PTCHD4: variants seen among roughly 807,000 people sequenced by gnomAD.
PTCHD4 encodes the protein patched domain-containing protein 4.
PTCHD4 carries 33 observed loss-of-function variants against 58.1 expected under a neutral mutation model. The observed-to-expected ratio is 0.57, with a 90% confidence interval of 0.43 to 0.76. The LOEUF is 0.76. Among genes scored for constraint, PTCHD4 ranks in the 30% least tolerant of loss-of-function variants. PTCHD4 has a pLI of 0.00. For missense variants in PTCHD4, 1,058 were observed against 1,027.1 expected (o/e 1.03, Z -0.41); for synonymous variants, 478 against 409.6 (o/e 1.17, Z -2.02).
chr6:48,005,020 G>T (rs1271231299), intron 4 of PTCHD4, among the ~76,000 whole-genome samples: 3 of 152,138 alleles, frequency 2.0e-5, no homozygotes, highest in Non-Finnish European at 2.9e-5. Flanking sequence ...CCCAATCTGA[G>T]ACATACAATT....
intron 4 of PTCHD4, among the ~76,000 whole-genome samples, chr6:47,963,748 C>T (rs1020865870): frequency 2.0e-5 from 3 of 152,162 alleles, no homozygotes; most frequent in Admixed American, 1.3e-4. Flanking sequence ...CAAAAAAACC[C>T]ACTCAAGTGT....
At chr6:47,934,511 G>A (rs553120613) in intron 4 of PTCHD4, among the ~76,000 whole-genome samples, 2 of 152,210 alleles carry the variant, frequency 1.3e-5, no homozygotes, top group South Asian at 4.1e-4. Flanking sequence ...ATCTGGTAAT[G>A]TAATCTAGTA....
chr6:48,075,118 G>T (rs1321494529), intron 1 of PTCHD4, among the ~76,000 whole-genome samples: 1 of 152,084 alleles, frequency 6.6e-6, no homozygotes, highest in Non-Finnish European at 1.5e-5. Context: ...AAAGTAATAA[G>T]AAGTTTAGAT....
At chr6:48,023,121 G>A (rs2814473) in intron 3 of PTCHD4, among the ~76,000 whole-genome samples, 29,546 of 152,010 alleles carry the variant, frequency 0.19, 3,114 homozygotes, top group African/African-American at 0.28. Flanking sequence ...GTAAAATTTC[G>A]TGCCATTTCA....
In PTCHD4 at chr6:47,857,407, A is replaced by G. The variant is rs573762068; in HGVS notation, c.*20896T>C. ...ATTAAAAAGTATCTTGCTTCTTAAA[A>G]CTTCTGCACTGCAGCAAGACGGTAT... On this transcript the variant is annotated 3_prime_UTR_variant, in exon 5 of 5. Transcript: ENST00000339488. Among the ~76,000 whole-genome samples the G allele has an allele frequency of 6.6e-6, 1 of 152,120 alleles. No homozygotes were observed. The highest frequency in any genetic ancestry group is 2.1e-4 in the South Asian group (1 of 4,816).
intron 3 of PTCHD4, among the ~76,000 whole-genome samples, chr6:48,057,384 C>T (rs935943333): frequency 4.6e-5 from 7 of 152,124 alleles, no homozygotes; most frequent in African/African-American, 1.4e-4. Flanking sequence ...TGCAGATTTC[C>T]TTGCTGGTTA....
At chr6:47,927,631 T>C (rs1413186474) in intron 4 of PTCHD4, among the ~76,000 whole-genome samples, 1 of 152,126 alleles carries the variant, frequency 6.6e-6, no homozygotes, top group Non-Finnish European at 1.5e-5. Flanking sequence ...TCTCTCTAAT[T>C]CCATACATAC....
chr6:47,968,930 G>T (rs1581950441), intron 4 of PTCHD4, among the ~76,000 whole-genome samples: 1 of 152,096 alleles, frequency 6.6e-6, no homozygotes, highest in South Asian at 2.1e-4. Flanking sequence ...TTCTCAATTT[G>T]CAGTAATTTG....
chr6:48,096,884 A>T (rs1280358046), intron 1 of PTCHD4, among the ~76,000 whole-genome samples: 1 of 152,124 alleles, frequency 6.6e-6, no homozygotes, highest in East Asian at 1.9e-4. Context: ...ATGTAAAAAG[A>T]ATGCATTGAT....
rs1044584667 is a variant in PTCHD4 at position 47,860,937 on chromosome 6, T to C, written c.*17366A>G. Among the ~76,000 whole-genome samples the C allele has an allele frequency of 1.3e-5, 2 of 151,996 alleles. No homozygotes were observed. Among genetic ancestry groups the C allele is most frequent in the African/African-American group, 4.8e-5 (2 of 41,418 alleles). On this transcript the variant is annotated 3_prime_UTR_variant, in exon 5 of 5. Transcript: ENST00000339488. ...AAAATCAGTTCTGTATCTAAGGTAG[T>C]ATAGTCCAACTAAGAAACAGAGTTG... is the stretch of plus-strand genomic sequence containing the variant.
chr6:47,923,193 C>A (rs574462924), intron 4 of PTCHD4, among the ~76,000 whole-genome samples: 2 of 152,090 alleles, frequency 1.3e-5, no homozygotes, highest in Non-Finnish European at 2.9e-5. Flanking sequence ...TAAAAATATT[C>A]TTCAAATTCA....
At chr6:48,098,318 TTTCTTCTTC>T (rs374977976) in intron 1 of PTCHD4, among the ~76,000 whole-genome samples, 15 of 142,606 alleles carry the variant, frequency 1.1e-4, no homozygotes, top group Admixed American at 6.4e-4. Flanking sequence ...TTTCTTTTCT[TTTCTTCTTC>T]TTCTTCTTCT....
chr6:47,931,535 A>G (rs772652837), intron 4 of PTCHD4, among the ~76,000 whole-genome samples: 2 of 152,222 alleles, frequency 1.3e-5, no homozygotes, highest in Non-Finnish European at 2.9e-5. Flanking sequence ...AGATGGAGAA[A>G]AACAGGTAAT....
chr6:47,934,996 C>A (rs966840205), intron 4 of PTCHD4, among the ~76,000 whole-genome samples: 4 of 152,098 alleles, frequency 2.6e-5, no homozygotes, highest in African/African-American at 4.8e-5. Context: ...GTTCACATAA[C>A]AAAATAGGGT....
At chr6:47,988,336 T>G (rs2114026854) in intron 4 of PTCHD4, among the ~76,000 whole-genome samples, 1 of 152,222 alleles carries the variant, frequency 6.6e-6, no homozygotes, top group African/African-American at 2.4e-5. Context: ...CCATACAATT[T>G]TTTGCAAAAA....
At chr6:47,938,570 A>G (rs186022948) in intron 4 of PTCHD4, among the ~76,000 whole-genome samples, 1 of 152,348 alleles carries the variant, frequency 6.6e-6, no homozygotes, top group East Asian at 1.9e-4. Flanking sequence ...GAACTGCAAC[A>G]TAGTACTAGG....
chr6:48,041,248 C>T (rs1020323228), intron 3 of PTCHD4, among the ~76,000 whole-genome samples: 3 of 152,156 alleles, frequency 2.0e-5, no homozygotes, highest in Admixed American at 6.6e-5. Context: ...ATCAGTCCTG[C>T]TACCACCTCT....
intron 3 of PTCHD4, among the ~76,000 whole-genome samples, chr6:48,016,043 A>C (rs1330039105): frequency 6.6e-6 from 1 of 150,720 alleles, no homozygotes; most frequent in African/African-American, 2.4e-5. Context: ...AAACAACAAC[A>C]TCTCTTTCTC....
intron 3 of PTCHD4, among the ~76,000 whole-genome samples, chr6:48,024,877 C>G (rs1417766471): frequency 6.6e-6 from 1 of 152,148 alleles, no homozygotes; most frequent in Non-Finnish European, 1.5e-5. Context: ...CTTCTCAAAG[C>G]TGCTTTATTT....
Sources: allele counts gnomAD v4.1 joint callset (sites outside exome capture counted in the v4.1 genomes callset), GRCh38; gene constraint gnomAD v4.1.1; transcripts MANE v1.5; gene names NCBI Gene and HGNC (gene_info 2026-07-23, HGNC 2026-07-21).